Variants in CDH4 observed in about 807,000 individuals in gnomAD.
CDH4 encodes the protein cadherin-4.
A neutral mutation model predicts 86.0 loss-of-function variants in CDH4; 33 were observed. That is an observed-to-expected ratio of 0.38 (90% CI 0.29 to 0.51). CDH4 has a LOEUF of 0.51. CDH4 is among the 20% of genes least tolerant of loss of function. The probability of loss-of-function intolerance (pLI) is 0.86; values close to 1 mark genes in which losing one functional copy is unlikely to be tolerated. For missense variants in CDH4, 1,114 were observed against 1,307.4 expected (o/e 0.85, Z 2.28); for synonymous variants, 555 against 549.4 (o/e 1.01, Z -0.14).
At position 61,773,196 on chromosome 20, in the gene CDH4, C is replaced by G; in HGVS notation, c.576+14C>G. ...CAGCTCGTGAGGGTGAGTGCAGACCCCTCCCGCGGGCACGGGGGTCTCGGC... is the reference window on the plus strand; with the variant it reads ...CAGCTCGTGAGGGTGAGTGCAGACCGCTCCCGCGGGCACGGGGGTCTCGGC... On this transcript the variant is annotated intron_variant, in intron 4 of 15. Transcript: ENST00000614565. The G allele has an allele frequency of 6.6e-7, 1 of 1,522,912 alleles. No individual in the cohort carries two copies. Among genetic ancestry groups the G allele is most frequent in the South Asian group, 1.2e-5 (1 of 82,232 alleles). 94.3% of individuals were successfully genotyped at this position (1,522,912 alleles called of 1,614,324 possible).
At chr20:61,494,863 C>T (rs991578050) in intron 2 of CDH4, among the ~76,000 whole-genome samples, 1 of 152,248 alleles carries the variant, frequency 6.6e-6, no homozygotes, top group African/African-American at 2.4e-5. Context: ...GGTAGCGCCT[C>T]GTGCATGCCT....
intron 3 of CDH4, among the ~76,000 whole-genome samples, chr20:61,755,968 G>A (rs1023956999): frequency 1.3e-5 from 2 of 152,190 alleles, no homozygotes; most frequent in African/African-American, 4.8e-5. Context: ...CCACCCAACT[G>A]CATCACCCCA....
chr20:61,447,214 T>TG (rs1308387742), intron 2 of CDH4, among the ~76,000 whole-genome samples: 1 of 152,158 alleles, frequency 6.6e-6, no homozygotes, highest in African/African-American at 2.4e-5. Flanking sequence ...TGGTGTGCGG[T>TG]GGTGCGATCT....
At chr20:61,774,389 C>T (rs1420664217) in intron 4 of CDH4, among the ~76,000 whole-genome samples, 2 of 152,244 alleles carry the variant, frequency 1.3e-5, no homozygotes, top group African/African-American at 2.4e-5. Context: ...ATGCTAGAGA[C>T]GATGCCAATG....
At chr20:61,690,322 G>A (rs143650420) in intron 2 of CDH4, among the ~76,000 whole-genome samples, 51 of 152,262 alleles carry the variant, frequency 3.3e-4, no homozygotes, top group Admixed American at 7.8e-4. Flanking sequence ...TGTCACTCCC[G>A]GGAGGCTTCC....
chr20:61,762,187 C>T (rs901121554), intron 3 of CDH4, among the ~76,000 whole-genome samples: 6 of 152,170 alleles, frequency 3.9e-5, no homozygotes, highest in African/African-American at 1.2e-4. Context: ...GTGACACCTC[C>T]GAGATCTGTT....
At chr20:61,352,961 T>C (rs1482943705) in intron 2 of CDH4, among the ~76,000 whole-genome samples, 6 of 152,076 alleles carry the variant, frequency 3.9e-5, no homozygotes, top group Admixed American at 3.9e-4. Context: ...TCTCTCTGCC[T>C]GTGTGGCATG....
chr20:61,755,551 G>A (rs1011074657), intron 3 of CDH4, among the ~76,000 whole-genome samples: 2 of 125,506 alleles, frequency 1.6e-5, no homozygotes, highest in South Asian at 2.6e-4. Context: ...AGTGCATGCT[G>A]CACACACCCA....
At chr20:61,546,254 A>G (rs1408690112) in intron 2 of CDH4, among the ~76,000 whole-genome samples, 3 of 150,816 alleles carry the variant, frequency 2.0e-5, no homozygotes, top group African/African-American at 7.4e-5. Flanking sequence ...TATGTGGGAT[A>G]CAGTATGTGT....
chr20:61,275,122 T>G (rs1249653990), intron 2 of CDH4, among the ~76,000 whole-genome samples: 718 of 54,682 alleles, frequency 0.013, no homozygotes, highest in Middle Eastern at 0.019. Flanking sequence ...TGTGCAGTTT[T>G]GGGGAGTACT....
chr20:61,400,234 A>ATGTT (rs1163418418), intron 2 of CDH4, among the ~76,000 whole-genome samples: 2 of 152,178 alleles, frequency 1.3e-5, no homozygotes, highest in Non-Finnish European at 2.9e-5. Flanking sequence ...GGAGACCTGA[A>ATGTT]TGTTTCGTCT....
At chr20:61,734,316 C>T (rs1467323666) in intron 2 of CDH4, among the ~76,000 whole-genome samples, 3 of 152,240 alleles carry the variant, frequency 2.0e-5, no homozygotes, top group Non-Finnish European at 2.9e-5. Context: ...ATGTAATCCT[C>T]GGAGTTCAGA....
intron 2 of CDH4, 54 bp from the exon 3 acceptor site, chr20:61,743,509 T>C: frequency 7.1e-7 from 1 of 1,408,634 alleles, no homozygotes; most frequent in Non-Finnish European, 9.8e-7. Context: ...CTGCCATTGT[T>C]ACCGCCCTTC....
chr20:61,925,590 G>T (rs1360228245), intron 11 of CDH4, among the ~76,000 whole-genome samples: 5 of 152,246 alleles, frequency 3.3e-5, no homozygotes, highest in Non-Finnish European at 5.9e-5. Flanking sequence ...TCATCAGTGG[G>T]TGGAACACAG....
chr20:61,506,198 C>T (rs2085740395), intron 2 of CDH4, among the ~76,000 whole-genome samples: 1 of 152,178 alleles, frequency 6.6e-6, no homozygotes, highest in Non-Finnish European at 1.5e-5. Context: ...CGTATGCATT[C>T]GGTGGAGAGT....
rs1368210936 is a variant in CDH4 at position 61,893,240 on chromosome 20, T to G, written c.1051-1670T>G. Among the ~76,000 whole-genome samples, 29 of 38,726 alleles carry G rather than the reference T, an allele frequency of 7.5e-4. 6 individuals carry two copies. Among genetic ancestry groups the G allele is most frequent in the South Asian group, 9.2e-4 (1 of 1,088 alleles). The allele number at this position is 38,726 out of a possible 152,430, so 25.4% of individuals were successfully genotyped here. A position where few individuals can be genotyped will look rare whatever the true frequency, so the allele number is the denominator to read the frequency against. ...ATAGATGGATGGGTGACCACAGGGA[T>G]GGTGGATGGGTGGGTGGGTGGATGG... On this transcript the variant is annotated intron_variant, in intron 7 of 15. Transcript: ENST00000614565.
At chr20:61,905,072 A>G (rs1216826089) in intron 8 of CDH4, among the ~76,000 whole-genome samples, 2 of 152,214 alleles carry the variant, frequency 1.3e-5, no homozygotes, top group African/African-American at 4.8e-5. Context: ...ATGGGTGCAC[A>G]GTTGAATTCT....
At chr20:61,746,873 GT>G (rs536012435) in intron 3 of CDH4, among the ~76,000 whole-genome samples, 16 of 152,322 alleles carry the variant, frequency 1.1e-4, no homozygotes, top group Admixed American at 4.6e-4. Flanking sequence ...CAGGCAGGGA[GT>G]GGGGGTCACT....
intron 2 of CDH4, among the ~76,000 whole-genome samples, chr20:61,468,974 G>A (rs1430222329): frequency 6.6e-6 from 1 of 152,108 alleles, no homozygotes; most frequent in Admixed American, 6.6e-5. Flanking sequence ...GGACATTTAG[G>A]TTGCTTCCAA....
Sources: gnomAD v4.1 joint callset for allele counts (sites outside exome capture counted in the v4.1 genomes callset) on GRCh38, gnomAD v4.1.1 for gene constraint, MANE v1.5 for transcripts, NCBI Gene and HGNC (gene_info 2026-07-23, HGNC 2026-07-21) for gene names.